Variants in EPHA8 observed in about 807,000 individuals in gnomAD.
The protein encoded by EPHA8 is ephrin type-A receptor 8.
Under a neutral mutation model 103.6 loss-of-function variants are expected in EPHA8, and 58 were observed. The ratio of observed to expected loss-of-function variants is 0.56; its 90% CI spans 0.45 to 0.70. The LOEUF (loss-of-function observed/expected upper bound fraction) is 0.70. Among genes scored for constraint, EPHA8 ranks in the 30% least tolerant of loss-of-function variants. EPHA8 has a pLI of 0.00. For synonymous variants in EPHA8, 559 were observed against 572.5 expected, an observed-to-expected ratio of 0.98 and a Z score of 0.34; for missense variants, 1,304 against 1,395.2, an observed-to-expected ratio of 0.93 and a Z score of 1.04.
chr1:22,599,729 AAGGAAGGAGGG>A (rs1461353134), intron 13 of EPHA8, among the ~76,000 whole-genome samples: 1 of 1,124 alleles, frequency 8.9e-4, no homozygotes, highest in African/African-American at 2.5e-3. Context: ...GGAGGGAGGG[AAGGAAGGAGGG>A]AGGGAGGAAG....
At position 22,593,399 on chromosome 1, in the gene EPHA8, C is replaced by T. The variant is rs766896165; in HGVS notation, c.1389C>T (p.Pro463=). The change falls in exon 6 of 17, where the codon CCC becomes CCT. Residue 463 remains proline (P), a synonymous_variant. Coordinates refer to ENST00000166244, the MANE Select transcript of EPHA8 (RefSeq NM_020526.5). ...QTSVSLLWQE[P]EQPNGIILEY... Reference sequence around the variant, plus strand: ...GCGTCTCGCTGCTGTGGCAGGAGCCCGAGCAGCCGAACGGCATCATCCTGG... The same window carrying T: ...GCGTCTCGCTGCTGTGGCAGGAGCCTGAGCAGCCGAACGGCATCATCCTGG... 2.3e-5 allele frequency: 36 copies of T among 1,588,390 alleles called. No homozygotes were observed. Among genetic ancestry groups the T allele is most frequent in the Admixed American group, 1.4e-4 (8 of 55,214 alleles).
At chr1:22,573,702 C>T (rs1640606330) in intron 2 of EPHA8, among the ~76,000 whole-genome samples, 1 of 152,254 alleles carries the variant, frequency 6.6e-6, no homozygotes, top group Non-Finnish European at 1.5e-5. Flanking sequence ...CCTCATGAGT[C>T]CCTGAAGTCA....
intron 14 of EPHA8, 42 bp downstream of exon 14, chr1:22,600,852 CAG>C (rs772286913): frequency 1.3e-6 from 2 of 1,588,914 alleles, no homozygotes; most frequent in Non-Finnish European, 1.7e-6. Flanking sequence ...GGTGGAGCCT[CAG>C]GGTGCAGGGA....
rs116549763 is a variant in EPHA8, at chr1:22,590,526, T to A, written c.1315+1320T>A. On this transcript the variant is annotated intron_variant, in intron 5 of 16. Transcript: ENST00000166244. ...CACATCCATGGGCGCCTCTTCCCCCTTTCATTTCCTCCTCCTGGAAACACT... is the reference window on the plus strand; with the variant it reads ...CACATCCATGGGCGCCTCTTCCCCCATTCATTTCCTCCTCCTGGAAACACT... Among the ~76,000 whole-genome samples, 1,169 of 152,188 alleles carry A rather than the reference T, an allele frequency of 7.7e-3. 15 individuals are homozygous for A. Among genetic ancestry groups the A allele is most frequent in the African/African-American group, 0.027 (1,103 of 41,518 alleles).
Position 22,593,624 on chromosome 1 carries a change from C to T in EPHA8, c.1541C>T (p.Ala514Val), listed in dbSNP as rs1156503379. Residue 514 changes from alanine to valine, a missense_variant, in exon 7 of 17, where the codon GCC (alanine) becomes GTC (valine). Physicochemically the swap from Ala to Val is moderately conservative, Grantham distance 64. Transcript: ENST00000166244. ...ACCCGCTACGTGTTCCAGGTCCGAG[C>T]CCGCACCTCAGCAGGCTGTGGCCGC... ...PGTRYVFQVR[A>V]RTSAGCGRFS... The T allele has an allele frequency of 1.2e-6, 2 of 1,609,182 alleles. No individual in the cohort carries two copies. The highest frequency in any genetic ancestry group is 8.5e-7 in the Non-Finnish European group (1 of 1,178,212).
chr1:22,599,071 G>C (rs1398549689), intron 13 of EPHA8, 24 bp downstream of exon 13: 2 of 1,573,660 alleles, frequency 1.3e-6, no homozygotes, highest in South Asian at 1.2e-5. Context: ...ACTCCTTCCG[G>C]CTAGACTGGG....
intron 3 of EPHA8, among the ~76,000 whole-genome samples, chr1:22,577,736 G>A (rs1640751304): frequency 6.6e-6 from 1 of 151,960 alleles, no homozygotes; most frequent in African/African-American, 2.4e-5. Context: ...AAGGCATGCA[G>A]ACGAGGGAGC....
chr1:22,588,199 T>C (rs1213777977), intron 4 of EPHA8, among the ~76,000 whole-genome samples: 1 of 152,236 alleles, frequency 6.6e-6, no homozygotes, highest in Non-Finnish European at 1.5e-5. Context: ...GAACTGGAAT[T>C]CTGAGGCCAG....
Position 22,576,448 on chromosome 1 carries a change from C to T in EPHA8, c.391C>T (p.Arg131Cys). Residue 131 changes from arginine (R) to cysteine (C), a missense_variant, in exon 3 of 17, where the codon CGC becomes TGC. By Grantham distance (180) the Arg-to-Cys change is radical. Coordinates refer to ENST00000166244, the MANE Select transcript of EPHA8 (RefSeq NM_020526.5). The surrounding 1 kb of genome is among the most constrained non-coding windows in gnomAD (Gnocchi z 4.8). ...TFNLYYLESD[R>C]DLGASTQESQ... Reference sequence around the variant, plus strand: ...CAACCTCTACTACCTGGAGTCGGACCGCGACCTGGGGGCCAGCACACAAGA... The same window carrying T: ...CAACCTCTACTACCTGGAGTCGGACTGCGACCTGGGGGCCAGCACACAAGA... 6 of 1,614,014 alleles carry T rather than the reference C, an allele frequency of 3.7e-6. No individual in the cohort carries two copies. The highest frequency in any genetic ancestry group is 2.2e-5 in the South Asian group (2 of 91,084).
chr1:22,582,684 C>A (rs907613952), intron 3 of EPHA8, among the ~76,000 whole-genome samples: 11 of 152,148 alleles, frequency 7.2e-5, no homozygotes, highest in African/African-American at 2.4e-4. Context: ...AGAGGAAGCT[C>A]CCCACACTCC....
At chr1:22,579,187 G>A (rs1484594436) in intron 3 of EPHA8, among the ~76,000 whole-genome samples, 1 of 151,492 alleles carries the variant, frequency 6.6e-6, no homozygotes, top group Non-Finnish European at 1.5e-5. Flanking sequence ...ATGTGTGCGT[G>A]AATATATGTG....
At chr1:22,578,068 AGTATGTATGCATGT>A (rs1306267240) in intron 3 of EPHA8, among the ~76,000 whole-genome samples, 1 of 19,500 alleles carries the variant, frequency 5.1e-5, no homozygotes, top group African/African-American at 1.6e-4. Flanking sequence ...TGTGTGCATG[AGTATGTATGCATGT>A]GTGTGCATGT....
Position 22,601,738 on chromosome 1 carries a change from CTGA to C in EPHA8, c.3018_*2del. ...GCACCCAGGGGCCCCGCCGGCACCT[CTGA>C]TGTACAGCCAGCAGGGCCCAGGCAG... On this transcript the variant is annotated stop_lost and inframe_deletion, in exon 17 of 17. Transcript: ENST00000166244. 1 of 1,557,690 alleles carries C rather than the reference CTGA, an allele frequency of 6.4e-7. No homozygotes were observed. The highest frequency in any genetic ancestry group is 8.7e-7 in the Non-Finnish European group (1 of 1,151,002).
intron 2 of EPHA8, among the ~76,000 whole-genome samples, chr1:22,575,268 TA>T (rs1420304172): frequency 6.6e-6 from 1 of 152,178 alleles, no homozygotes; most frequent in African/African-American, 2.4e-5. Context: ...TATTGTTTTT[TA>T]TAACAGCCAT....
At chr1:22,571,348 A>C (rs1193054554) in intron 2 of EPHA8, among the ~76,000 whole-genome samples, 1 of 152,186 alleles carries the variant, frequency 6.6e-6, no homozygotes, top group East Asian at 1.9e-4. Context: ...GGGTGCAGCC[A>C]CCACACTTCA....
In EPHA8 at chr1:22,589,130, G is replaced by A; in HGVS notation, c.1239G>A (p.Glu413=). The change falls in exon 5 of 17, where the codon GAG becomes GAA. Residue 413 remains glutamate, a synonymous_variant. Transcript: ENST00000166244. This position sits in a 1 kb window ranked among gnomAD's most constrained non-coding sequence, Gnocchi z 4.3. ...LAHMNYSFWI[E]AVNGVSDLSP... is the part of the protein sequence containing the mutation. ...ACATGAACTACTCCTTCTGGATCGA[G>A]GCCGTCAATGGCGTGTCCGACCTGA... The A allele has an allele frequency of 6.2e-6, 10 of 1,613,858 alleles. No individual in the cohort carries two copies. The highest frequency in any genetic ancestry group is 8.5e-6 in the Non-Finnish European group (10 of 1,179,994).
At chr1:22,564,381 C>T (rs111457600) in intron 1 of EPHA8, among the ~76,000 whole-genome samples, 151 of 149,334 alleles carry the variant, frequency 1.0e-3, no homozygotes, top group African/African-American at 3.6e-3. Flanking sequence ...AGGGGAGTTC[C>T]AGCTGGAGGA....
chr1:22,570,328 A>G (rs781085543), intron 2 of EPHA8, among the ~76,000 whole-genome samples: 8 of 116,088 alleles, frequency 6.9e-5, no homozygotes, highest in Non-Finnish European at 1.4e-4. Flanking sequence ...ACATGCACAC[A>G]CGCACATGCA....
At position 22,589,170 on chromosome 1, in the gene EPHA8, C is replaced by T. The variant is rs775160955; in HGVS notation, c.1279C>T (p.Arg427Trp). 20 of 1,613,694 alleles carry T rather than the reference C, an allele frequency of 1.2e-5. No individual in the cohort carries two copies. Among genetic ancestry groups the T allele is most frequent in the Admixed American group, 3.3e-5 (2 of 59,996 alleles). Reference sequence around the variant, plus strand: ...GTCCGACCTGAGCCCCGAGCCCCGCCGGGCCGCTGTGGTCAACATCACCAC... The same window carrying T: ...GTCCGACCTGAGCCCCGAGCCCCGCTGGGCCGCTGTGGTCAACATCACCAC... The part of the protein sequence containing the change: ...GVSDLSPEPR[R>W]AAVVNITTNQ... Residue 427 changes from arginine (R) to tryptophan (W), a missense_variant, in exon 5 of 17, where the codon CGG becomes TGG. Arg to Trp is a moderately radical substitution (Grantham distance 101). Coordinates refer to ENST00000166244, the MANE Select transcript of EPHA8 (RefSeq NM_020526.5). The surrounding 1 kb of genome is among the most constrained non-coding windows in gnomAD (Gnocchi z 4.3).
Sources: allele counts gnomAD v4.1 joint callset (sites outside exome capture counted in the v4.1 genomes callset), GRCh38; gene constraint gnomAD v4.1.1; non-coding constraint Gnocchi (gnomAD v3.1); transcripts MANE v1.5; gene names NCBI Gene and HGNC (gene_info 2026-07-23, HGNC 2026-07-21).